RAP1A: variants seen among roughly 807,000 people sequenced by gnomAD.
The protein encoded by RAP1A is RAP1A, member of RAS oncogene family.
RAP1A carries 6 observed loss-of-function variants against 26.4 expected under a neutral mutation model. The ratio of observed to expected loss-of-function variants is 0.23; its 90% CI spans 0.12 to 0.45. RAP1A has a LOEUF of 0.45. RAP1A is among the 20% of genes least tolerant of loss of function. The pLI, the probability that RAP1A is intolerant of heterozygous loss-of-function variation, is 0.99. For synonymous variants in RAP1A, 73 were observed against 79.4 expected, an observed-to-expected ratio of 0.92 and a Z score of 0.43; for missense variants, 121 against 217.2, an observed-to-expected ratio of 0.56 and a Z score of 2.78.
chr1:111,695,027 AATATTGATAATTTTTC>A (rs1211144828), intron 2 of RAP1A, among the ~76,000 whole-genome samples: 1 of 152,184 alleles, frequency 6.6e-6, no homozygotes, highest in Non-Finnish European at 1.5e-5. Flanking sequence ...TAGGAGTTTA[AATATTGATAATTTTTC>A]ATGTTTTAAT....
chr1:111,662,588 A>G (rs1660676174), intron 1 of RAP1A, among the ~76,000 whole-genome samples: 2 of 152,116 alleles, frequency 1.3e-5, no homozygotes, highest in African/African-American at 4.8e-5. Flanking sequence ...CCATACTAAG[A>G]GAGATTTGAT....
At chr1:111,591,700 G>C (rs531375987) in intron 1 of RAP1A, among the ~76,000 whole-genome samples, 1 of 152,202 alleles carries the variant, frequency 6.6e-6, no homozygotes, top group African/African-American at 2.4e-5. Flanking sequence ...GGCTGAGATG[G>C]TGTCATGATG....
chr1:111,648,851 C>G (rs1660166497), intron 1 of RAP1A: 9 of 748,114 alleles, frequency 1.2e-5, no homozygotes, highest in Admixed American at 3.5e-5. Flanking sequence ...TCTTGCTGTC[C>G]TGAGATTTGG....
intron 1 of RAP1A, among the ~76,000 whole-genome samples, chr1:111,633,342 C>T (rs1659630704): frequency 6.6e-6 from 1 of 151,874 alleles, no homozygotes; most frequent in South Asian, 2.1e-4. Flanking sequence ...TTTTATGCTT[C>T]AGAAAATTGT....
intron 4 of RAP1A, among the ~76,000 whole-genome samples, chr1:111,700,488 A>G (rs1661986901): frequency 6.6e-6 from 1 of 152,160 alleles, no homozygotes; most frequent in African/African-American, 2.4e-5. Context: ...GCACCAAGCT[A>G]TTCATGAGGG....
At chr1:111,690,390 A>G (rs1661632423) in intron 1 of RAP1A, among the ~76,000 whole-genome samples, 1 of 152,148 alleles carries the variant, frequency 6.6e-6, no homozygotes, top group Non-Finnish European at 1.5e-5. Context: ...ACTCAAGTGA[A>G]TCCTTCTGCA....
rs34219774 is a variant in RAP1A, at chr1:111,697,416, CTT to C, written c.127-12_127-11del. The C allele has an allele frequency of 0.012, 18,048 of 1,479,382 alleles. No homozygotes were observed. The highest frequency in any genetic ancestry group is 0.032 in the South Asian group (2,506 of 78,088). The allele number at this position is 1,479,382 out of a possible 1,614,324, so 91.6% of individuals were successfully genotyped here. ...TGAGATTTTGATGTTACTCTTTAAC[CTT>C]TTTTTTTTTTTTGCCCCCACAGCAA... is the stretch of plus-strand genomic sequence containing the variant. On this transcript the variant is annotated intron_variant, in intron 3 of 7. Coordinates refer to ENST00000369709, the MANE Select transcript of RAP1A (RefSeq NM_002884.4).
rs1658254498 is a variant in RAP1A, at chr1:111,581,353, G to A, written c.-28+38844G>A. 2.0e-5 allele frequency among the ~76,000 whole-genome samples: 3 copies of A among 152,210 alleles called. No homozygotes were observed. In the South Asian group the frequency reaches 6.2e-4, roughly 32 times the overall value. On this transcript the variant is annotated intron_variant, in intron 1 of 7. Coordinates refer to the RAP1A transcript ENST00000356415. ...TTCTACAGCAGTTTTTCTCAACCGG[G>A]GACATTCAGTATCTGGAAACATTTT...
chr1:111,550,415 A>G (rs1657212254), intron 1 of RAP1A, among the ~76,000 whole-genome samples: 1 of 152,022 alleles, frequency 6.6e-6, no homozygotes, highest in South Asian at 2.1e-4. Context: ...AAAATGGAAG[A>G]TCATGTTGTT....
intron 1 of RAP1A, among the ~76,000 whole-genome samples, chr1:111,542,957 A>G (rs978480470): frequency 4.2e-4 from 64 of 152,248 alleles, no homozygotes; most frequent in African/African-American, 1.5e-3. Context: ...TTGGCCTCCC[A>G]AAGTGCTGGG....
At chr1:111,607,258 C>T (rs923828785) in intron 1 of RAP1A, among the ~76,000 whole-genome samples, 4 of 151,998 alleles carry the variant, frequency 2.6e-5, no homozygotes, top group Non-Finnish European at 4.4e-5. Context: ...ATCTGTTTAA[C>T]AAAGCACATC....
At chr1:111,555,542 T>C (rs1657455360) in intron 1 of RAP1A, among the ~76,000 whole-genome samples, 1 of 151,958 alleles carries the variant, frequency 6.6e-6, no homozygotes, top group Non-Finnish European at 1.5e-5. Context: ...TTTTACAGAA[T>C]TCAGCTTAGA....
chr1:111,597,957 T>A (rs1658591676), intron 1 of RAP1A, among the ~76,000 whole-genome samples: 1 of 152,152 alleles, frequency 6.6e-6, no homozygotes, highest in Non-Finnish European at 1.5e-5. Context: ...ACTACTGACA[T>A]AGGAAAAAGG....
Position 111,712,638 on chromosome 1 carries a change from CA to C in RAP1A, c.*238del, listed in dbSNP as rs1425687171. 1 of 152,442 alleles carries C rather than the reference CA, an allele frequency of 6.6e-6. No individual in the cohort carries two copies. The highest frequency in any genetic ancestry group is 1.5e-5 in the Non-Finnish European group (1 of 67,932). 9.4% of individuals were successfully genotyped at this position (152,442 alleles called of 1,614,324 possible). ...CAATAGTATTTCTCCTTTGCAATAGCAGTTATAACAGATGTGAAAATATACT... is the reference window on the plus strand; with the variant it reads ...CAATAGTATTTCTCCTTTGCAATAGCGTTATAACAGATGTGAAAATATACT... On this transcript the variant is annotated 3_prime_UTR_variant, in exon 8 of 8. Coordinates refer to ENST00000369709, the MANE Select transcript of RAP1A (RefSeq NM_002884.4).
At chr1:111,656,466 T>C (rs1455851435) in intron 1 of RAP1A, among the ~76,000 whole-genome samples, 1 of 152,216 alleles carries the variant, frequency 6.6e-6, no homozygotes. Context: ...TATTCCTCCT[T>C]AAAGCAAACT....
Position 111,694,156 on chromosome 1 carries a change from A to G in RAP1A, c.58-1185A>G, listed in dbSNP as rs566360678. Among the ~76,000 whole-genome samples the G allele has an allele frequency of 8.5e-5, 13 of 152,248 alleles. No individual in the cohort carries two copies. The South Asian group carries it at 2.7e-3, about 32-fold the overall frequency. On this transcript the variant is annotated intron_variant, in intron 2 of 7. Coordinates refer to ENST00000369709, the MANE Select transcript of RAP1A (RefSeq NM_002884.4). ...TCCTGCCTTGGCCTCCTAAAGTGCTAGGAGTACAGCATGAGCCACTGCATC... is the reference window on the plus strand; with the variant it reads ...TCCTGCCTTGGCCTCCTAAAGTGCTGGGAGTACAGCATGAGCCACTGCATC...
chr1:111,556,261 C>T (rs778129984), intron 1 of RAP1A, among the ~76,000 whole-genome samples: 4 of 152,146 alleles, frequency 2.6e-5, no homozygotes, highest in Non-Finnish European at 5.9e-5. Context: ...CAAAAAAACA[C>T]TCACACAGAT....
At chr1:111,671,422 T>A (rs747639626) in intron 1 of RAP1A, among the ~76,000 whole-genome samples, 3 of 152,230 alleles carry the variant, frequency 2.0e-5, no homozygotes, top group Non-Finnish European at 4.4e-5. Context: ...CAAAATCAGC[T>A]ATTCATAAAA....
intron 1 of RAP1A, among the ~76,000 whole-genome samples, chr1:111,597,632 C>T (rs1658586208): frequency 6.6e-6 from 1 of 152,216 alleles, no homozygotes; most frequent in African/African-American, 2.4e-5. Flanking sequence ...ACACATTTCT[C>T]TCCAAGTGTG....
Sources: gnomAD v4.1 joint callset for allele counts (sites outside exome capture counted in the v4.1 genomes callset) on GRCh38, gnomAD v4.1.1 for gene constraint, MANE v1.5 for transcripts, NCBI Gene and HGNC (gene_info 2026-07-23, HGNC 2026-07-21) for gene names.